The following ADGRL3 variants were observed in gnomAD, a reference collection of about 807,000 sequenced individuals.
ADGRL3 encodes the protein calcium-independent alpha-latrotoxin receptor 3.
Under a neutral mutation model 153.5 loss-of-function variants are expected in ADGRL3, and 62 were observed. That is an observed-to-expected ratio of 0.40 (90% confidence interval 0.33 to 0.50). The LOEUF is 0.50. Ranked by LOEUF, ADGRL3 falls within the 20% of genes least tolerant of loss-of-function variation. The pLI is 0.47. For synonymous variants in ADGRL3, 710 were observed against 672.5 expected (o/e 1.06, Z -0.86); for missense variants, 1,641 against 1,859.4 (o/e 0.88, Z 2.16).
At chr4:61,809,084 A>C (rs1285977804) in intron 8 of ADGRL3, among the ~76,000 whole-genome samples, 4 of 152,104 alleles carry the variant, frequency 2.6e-5, no homozygotes, top group Non-Finnish European at 5.9e-5. Flanking sequence ...ACAGTTGAAA[A>C]ATTTAAAGCA....
intron 25 of ADGRL3, among the ~76,000 whole-genome samples, chr4:62,046,945 TC>T (rs548531286): frequency 2.6e-5 from 4 of 151,932 alleles, no homozygotes; most frequent in Non-Finnish European, 5.9e-5. Flanking sequence ...GGTCTTATCT[TC>T]CCTGCATTCA....
chr4:61,431,239 A>G (rs1267426135), intron 2 of ADGRL3, among the ~76,000 whole-genome samples: 2 of 152,204 alleles, frequency 1.3e-5, no homozygotes, highest in African/African-American at 4.8e-5. Context: ...CTGACCACGA[A>G]ATAGGATCTT....
chr4:61,506,238 A>G (rs2098427335), intron 3 of ADGRL3, among the ~76,000 whole-genome samples: 1 of 152,172 alleles, frequency 6.6e-6, no homozygotes. Flanking sequence ...ACAAAGCCTT[A>G]CACATTTAAT....
At chr4:62,015,800 T>G (rs961814217) in intron 21 of ADGRL3, among the ~76,000 whole-genome samples, 1 of 152,212 alleles carries the variant, frequency 6.6e-6, no homozygotes, top group Admixed American at 6.5e-5. Context: ...CTTTTTCTTT[T>G]ACTTGCTGAT....
At chr4:61,797,817 T>G (rs562728619) in intron 8 of ADGRL3, among the ~76,000 whole-genome samples, 1 of 152,316 alleles carries the variant, frequency 6.6e-6, no homozygotes, top group South Asian at 2.1e-4. Context: ...ATGTTCAACT[T>G]GTGTATCAGG....
rs902999554 is a variant in ADGRL3, at chr4:61,908,559, G to C, written c.1888-1001G>C. 4.1e-5 allele frequency among the ~76,000 whole-genome samples: 6 copies of C among 144,646 alleles called. No homozygotes were observed. In the Admixed American group the frequency reaches 4.3e-4, roughly 10 times the overall value. 94.9% of individuals were successfully genotyped at this position (144,646 alleles called of 152,430 possible). On this transcript the variant is annotated intron_variant, in intron 11 of 26. Coordinates refer to ENST00000683033, the MANE Select transcript of ADGRL3 (RefSeq NM_001387552.1). ...GGAGGCAGAGGTTGCAGTGAGCCGAGATCATGCCATTGCACTCCAGCCTGG... is the reference window on the plus strand; with the variant it reads ...GGAGGCAGAGGTTGCAGTGAGCCGACATCATGCCATTGCACTCCAGCCTGG...
At chr4:61,462,186 T>G (rs1038932468) in intron 2 of ADGRL3, among the ~76,000 whole-genome samples, 6 of 152,188 alleles carry the variant, frequency 3.9e-5, no homozygotes, top group Middle Eastern at 3.2e-3. Context: ...AATTTAGAAT[T>G]AGAGTAAGTT....
intron 8 of ADGRL3, among the ~76,000 whole-genome samples, chr4:61,801,719 C>T (rs1218114675): frequency 6.6e-6 from 1 of 152,134 alleles, no homozygotes; most frequent in African/African-American, 2.4e-5. Context: ...CATAATATAA[C>T]TTGTTTACAA....
chr4:61,240,007 G>T (rs1754306018), intron 1 of ADGRL3, among the ~76,000 whole-genome samples: 1 of 152,052 alleles, frequency 6.6e-6, no homozygotes. Flanking sequence ...TAGTCCATTT[G>T]TTCTGCTTTA....
chr4:61,452,683 T>C (rs1032291350), intron 2 of ADGRL3, among the ~76,000 whole-genome samples: 16 of 152,100 alleles, frequency 1.1e-4, no homozygotes, highest in African/African-American at 3.6e-4. Flanking sequence ...TTCACTAACA[T>C]TGTTGGCATG....
chr4:61,597,527 A>C (rs956370963), intron 5 of ADGRL3, among the ~76,000 whole-genome samples: 60 of 152,222 alleles, frequency 3.9e-4, no homozygotes, highest in African/African-American at 1.4e-3. Context: ...AATGTAGTGC[A>C]TCAATGTTAT....
intron 21 of ADGRL3, among the ~76,000 whole-genome samples, chr4:62,024,055 C>A (rs181496333): frequency 2.6e-5 from 4 of 152,146 alleles, no homozygotes; most frequent in Non-Finnish European, 4.4e-5. Flanking sequence ...TAAATTAATT[C>A]TTTGATAGTA....
intron 2 of ADGRL3, among the ~76,000 whole-genome samples, chr4:61,387,549 C>T (rs1022280429): frequency 6.6e-6 from 1 of 152,134 alleles, no homozygotes; most frequent in African/African-American, 2.4e-5. Flanking sequence ...TGCACATTCT[C>T]TTTCTCAGGG....
At chr4:61,895,449 G>A (rs1168441577) in intron 10 of ADGRL3, among the ~76,000 whole-genome samples, 2 of 143,766 alleles carry the variant, frequency 1.4e-5, no homozygotes. Context: ...CTGGGCAACA[G>A]AACAAGACTC....
At chr4:61,744,622 T>TAG (rs2096629582) in intron 8 of ADGRL3, among the ~76,000 whole-genome samples, 1 of 152,158 alleles carries the variant, frequency 6.6e-6, no homozygotes, top group African/African-American at 2.4e-5. Context: ...AGTGGACTTC[T>TAG]AGAAAACTCC....
intron 1 of ADGRL3, among the ~76,000 whole-genome samples, chr4:61,379,565 A>G (rs897317623): frequency 2.6e-5 from 4 of 152,036 alleles, no homozygotes; most frequent in African/African-American, 9.7e-5. Flanking sequence ...GCTGAAAGCC[A>G]TCTAATTAAC....
chr4:62,019,326 G>C (rs2099227250), intron 21 of ADGRL3, among the ~76,000 whole-genome samples: 1 of 151,986 alleles, frequency 6.6e-6, no homozygotes, highest in Non-Finnish European at 1.5e-5. Flanking sequence ...TTGTCATGTA[G>C]TCATATGCAT....
At chr4:61,210,090 G>A (rs1254204177) in intron 1 of ADGRL3, among the ~76,000 whole-genome samples, 2 of 152,122 alleles carry the variant, frequency 1.3e-5, no homozygotes, top group African/African-American at 4.8e-5. Context: ...TTCAGTTACA[G>A]TGCCAATAAG....
intron 2 of ADGRL3, among the ~76,000 whole-genome samples, chr4:61,475,985 C>T (rs1030403907): frequency 5.9e-5 from 9 of 152,106 alleles, no homozygotes; most frequent in African/African-American, 2.2e-4. Flanking sequence ...AGATTAGCAG[C>T]ACTACAGTCT....
Sources: allele counts gnomAD v4.1 joint callset (sites outside exome capture counted in the v4.1 genomes callset), GRCh38; gene constraint gnomAD v4.1.1; transcripts MANE v1.5; gene names NCBI Gene and HGNC (gene_info 2026-07-23, HGNC 2026-07-21).